The following HS3ST4 variants were observed in gnomAD, a reference collection of about 807,000 sequenced individuals.
The protein encoded by HS3ST4 is heparan sulfate glucosamine 3-O-sulfotransferase 4.
Under a neutral mutation model 29.2 loss-of-function variants are expected in HS3ST4, and 17 were observed. The observed-to-expected ratio is 0.58, with a 90% CI of 0.40 to 0.87. The LOEUF (loss-of-function observed/expected upper bound fraction) is 0.87. HS3ST4 is among the 40% of genes least tolerant of loss of function. HS3ST4 has a pLI of 0.00. For synonymous variants in HS3ST4, 314 were observed against 285.7 expected, an observed-to-expected ratio of 1.10 and a Z score of -1.00; for missense variants, 627 against 634.5, an observed-to-expected ratio of 0.99 and a Z score of 0.13.
At chr16:25,956,941 T>C (rs979678749) in intron 1 of HS3ST4, among the ~76,000 whole-genome samples, 2 of 133,830 alleles carry the variant, frequency 1.5e-5, no homozygotes, top group African/African-American at 5.8e-5. Context: ...GAGCTTGCAG[T>C]GAGCCAAGAT....
chr16:25,861,091 G>T (rs1353183790), intron 1 of HS3ST4, among the ~76,000 whole-genome samples: 1 of 152,112 alleles, frequency 6.6e-6, no homozygotes, highest in Non-Finnish European at 1.5e-5. Flanking sequence ...ATTTTCCCCA[G>T]CCTGTCTTAT....
At chr16:25,756,127 TACACACACACAC>T (rs61054132) in intron 1 of HS3ST4, among the ~76,000 whole-genome samples, 15 of 140,756 alleles carry the variant, frequency 1.1e-4, no homozygotes, top group South Asian at 2.2e-4. Context: ...CACACACACA[TACACACACACAC>T]ACACACACAC....
chr16:25,766,029 A>G (rs1966816940), intron 1 of HS3ST4, among the ~76,000 whole-genome samples: 1 of 152,074 alleles, frequency 6.6e-6, no homozygotes, highest in Admixed American at 6.6e-5. Context: ...TCCCAGAATG[A>G]TACAAACACC....
intron 1 of HS3ST4, among the ~76,000 whole-genome samples, chr16:25,799,656 G>A (rs1966911906): frequency 6.6e-6 from 1 of 152,016 alleles, no homozygotes; most frequent in Non-Finnish European, 1.5e-5. Context: ...TGGTGGTCTT[G>A]GGCATATGAT....
At chr16:26,046,267 C>T (rs1440429144) in intron 1 of HS3ST4, among the ~76,000 whole-genome samples, 2 of 151,464 alleles carry the variant, frequency 1.3e-5, no homozygotes, top group African/African-American at 4.9e-5. Context: ...TCTCCTGTCT[C>T]AGCCTCCTGA....
intron 1 of HS3ST4, among the ~76,000 whole-genome samples, chr16:25,884,374 C>T (rs1967927847): frequency 6.6e-6 from 1 of 152,216 alleles, no homozygotes; most frequent in Non-Finnish European, 1.5e-5. Flanking sequence ...TCACTGGCCA[C>T]CTTGGCTGTC....
At chr16:25,851,353 C>G (rs1198518285) in intron 1 of HS3ST4, among the ~76,000 whole-genome samples, 2 of 152,186 alleles carry the variant, frequency 1.3e-5, no homozygotes, top group African/African-American at 4.8e-5. Context: ...GTTCCCATCT[C>G]TATGAGCATT....
At chr16:25,957,584 AT>A in intron 1 of HS3ST4, among the ~76,000 whole-genome samples, 1 of 151,968 alleles carries the variant, frequency 6.6e-6, no homozygotes, top group African/African-American at 2.4e-5. Context: ...CTCACCGCTA[AT>A]TTTTTGTATT....
chr16:26,004,869 C>T (rs565247930), intron 1 of HS3ST4, among the ~76,000 whole-genome samples: 2 of 152,256 alleles, frequency 1.3e-5, no homozygotes, highest in East Asian at 3.9e-4. Flanking sequence ...TTGTTTATGC[C>T]TGAACTGGGA....
chr16:25,992,579 T>C (rs1168223712), intron 1 of HS3ST4, among the ~76,000 whole-genome samples: 2 of 152,214 alleles, frequency 1.3e-5, no homozygotes, highest in African/African-American at 4.8e-5. Context: ...ATTCAAAATA[T>C]ACAGTCTTCA....
chr16:25,853,481 A>G (rs143295036), intron 1 of HS3ST4, among the ~76,000 whole-genome samples: 26 of 151,974 alleles, frequency 1.7e-4, no homozygotes, highest in African/African-American at 6.0e-4. Flanking sequence ...TTTGTTCCTG[A>G]TTTTGGAGGG....
intron 1 of HS3ST4, among the ~76,000 whole-genome samples, chr16:25,757,831 G>A (rs1290592751): frequency 6.6e-6 from 1 of 152,102 alleles, no homozygotes; most frequent in African/African-American, 2.4e-5. Context: ...GACTGAGCCT[G>A]TCTTGTAAAC....
rs985790656 is a variant in HS3ST4, at chr16:25,989,158, G to C, written c.735-146454G>C. 2.6e-5 allele frequency among the ~76,000 whole-genome samples: 4 copies of C among 152,146 alleles called. No homozygotes were observed. In the East Asian group the frequency reaches 5.8e-4, roughly 22 times the overall value. The stretch of plus-strand genomic sequence containing the variant: ...TTGAATCTGGCTTGAACAGTGGGCC[G>C]CTTTTGATTTGCCAAAACTCCGTGA... On this transcript the variant is annotated intron_variant, in intron 1 of 1. Coordinates refer to ENST00000331351, the MANE Select transcript of HS3ST4 (RefSeq NM_006040.3).
chr16:25,990,839 G>A (rs1969107624), intron 1 of HS3ST4, among the ~76,000 whole-genome samples: 1 of 152,126 alleles, frequency 6.6e-6, no homozygotes, highest in South Asian at 2.1e-4. Flanking sequence ...ACACACAAGA[G>A]GGCAGTTTCC....
At chr16:25,979,766 T>C (rs1016880880) in intron 1 of HS3ST4, among the ~76,000 whole-genome samples, 6 of 152,204 alleles carry the variant, frequency 3.9e-5, no homozygotes, top group African/African-American at 1.4e-4. Context: ...AACAAGTCTC[T>C]AGTGCCAAAA....
At chr16:25,926,764 T>TA (rs777908166) in intron 1 of HS3ST4, among the ~76,000 whole-genome samples, 2 of 152,238 alleles carry the variant, frequency 1.3e-5, no homozygotes, top group Non-Finnish European at 2.9e-5. Context: ...AGCCTAGAAA[T>TA]ACATTCTGTT....
At chr16:26,010,385 C>A (rs1292449989) in intron 1 of HS3ST4, among the ~76,000 whole-genome samples, 1 of 150,818 alleles carries the variant, frequency 6.6e-6, no homozygotes. Context: ...ACCCTGGAGG[C>A]AGAGGTTACG....
rs1555477414 is a variant in HS3ST4 at position 25,999,894 on chromosome 16, A to ATATTATATATATATTT, written c.735-135717_735-135716insATTATATATATATTTT. ...TATTTTATATATATTATATATATATATTTTATATATATATATATATCTGTT... is the reference window on the plus strand; with the variant it reads ...TATTTTATATATATTATATATATATATATTATATATATATTTTTTTATATATATATATATATCTGTT... On this transcript the variant is annotated intron_variant, in intron 1 of 1. Coordinates refer to ENST00000331351, the MANE Select transcript of HS3ST4 (RefSeq NM_006040.3). Among the ~76,000 whole-genome samples, 409 of 103,656 alleles carry ATATTATATATATATTT rather than the reference A, an allele frequency of 3.9e-3. 3 individuals carry two copies. Among genetic ancestry groups the ATATTATATATATATTT allele is most frequent in the African/African-American group, 0.014 (396 of 28,992 alleles). The allele number at this position is 103,656 out of a possible 152,430, so 68.0% of individuals were successfully genotyped here.
chr16:25,828,304 C>T (rs1286301952), intron 1 of HS3ST4, among the ~76,000 whole-genome samples: 2,189 of 60,784 alleles, frequency 0.036, 63 homozygotes, highest in African/African-American at 0.067. Context: ...TTCTTTCCCT[C>T]TCTCTCTCTC....
Sources: gnomAD v4.1 joint callset for allele counts (sites outside exome capture counted in the v4.1 genomes callset) on GRCh38, gnomAD v4.1.1 for gene constraint, MANE v1.5 for transcripts, NCBI Gene and HGNC (gene_info 2026-07-23, HGNC 2026-07-21) for gene names.